Variants in MAP3K15 observed in about 807,000 individuals in gnomAD.
MAP3K15 encodes the protein MAPK/ERK kinase kinase 15.
Under a neutral mutation model 99.5 loss-of-function variants are expected in MAP3K15, and 124 were observed. The observed-to-expected ratio is 1.25, with a 90% CI of 1.08 to 1.45. The LOEUF (loss-of-function observed/expected upper bound fraction) is 1.45. Ranked by LOEUF, MAP3K15 falls within the 40% of genes most tolerant of loss-of-function variation. The pLI, the probability that MAP3K15 is intolerant of heterozygous loss-of-function variation, is 0.00. For synonymous variants in MAP3K15, 494 were observed against 439.6 expected (o/e 1.12, Z -1.55); for missense variants, 1,242 against 1,079.7 (o/e 1.15, Z -2.11).
chrX:19,374,105 C>A, intron 20 of MAP3K15, among the ~76,000 whole-genome samples: 1 of 111,186 alleles, frequency 9.0e-6, no homozygotes, highest in Non-Finnish European at 1.9e-5. Context: ...GGTTGGCACA[C>A]GATGACAAGC....
chrX:19,426,713 A>G (rs2063832952), intron 7 of MAP3K15, among the ~76,000 whole-genome samples: 1 of 104,133 alleles, frequency 9.6e-6, no homozygotes, highest in Non-Finnish European at 1.9e-5. Context: ...GCTACTCGGG[A>G]GGCTGAGGCA....
intron 12 of MAP3K15, among the ~76,000 whole-genome samples, chrX:19,407,933 T>C (rs1223894054): frequency 8.9e-6 from 1 of 112,078 alleles, no homozygotes; most frequent in Non-Finnish European, 1.9e-5. Context: ...TTCTCTTCTA[T>C]CATTGTCCCT....
intron 18 of MAP3K15, among the ~76,000 whole-genome samples, chrX:19,382,910 C>T (rs577971420): frequency 7.1e-5 from 8 of 112,134 alleles, no homozygotes; most frequent in African/African-American, 1.6e-4. Flanking sequence ...GACTCTGCTT[C>T]GCCTGCAGCT....
chrX:19,409,174 G>T (rs766228451), intron 12 of MAP3K15, among the ~76,000 whole-genome samples: 12 of 111,198 alleles, frequency 1.1e-4, no homozygotes, highest in Admixed American at 1.9e-4. Flanking sequence ...ACTATGTCTA[G>T]AAGTAACTGG....
At chrX:19,426,818 CAAAAA>C (rs746106862) in intron 7 of MAP3K15, among the ~76,000 whole-genome samples, 1 of 21,148 alleles carries the variant, frequency 4.7e-5, no homozygotes, top group African/African-American at 2.1e-4. Context: ...AATCTGTCTC[CAAAAA>C]AAAAAAAAAA....
chrX:19,402,822 G>A (rs2063618192), intron 13 of MAP3K15, among the ~76,000 whole-genome samples: 1 of 110,759 alleles, frequency 9.0e-6, no homozygotes, highest in Non-Finnish European at 1.9e-5. Flanking sequence ...ACACCACCAC[G>A]CCCAGCTAAT....
chrX:19,466,757 T>C (rs1417854731), intron 3 of MAP3K15: 1 of 70,466 alleles, frequency 1.4e-5, no homozygotes, highest in Admixed American at 1.5e-4. Flanking sequence ...GAAGGAAAAA[T>C]ACCTTTGAAG....
At chrX:19,430,482 G>A (rs1281441386) in intron 7 of MAP3K15, among the ~76,000 whole-genome samples, 3 of 112,048 alleles carry the variant, frequency 2.7e-5, no homozygotes, top group Non-Finnish European at 5.6e-5. Context: ...ACAGAATCAT[G>A]AAAAATCATA....
intron 14 of MAP3K15, among the ~76,000 whole-genome samples, chrX:19,398,806 A>G (rs948193095): frequency 5.4e-5 from 6 of 111,589 alleles, no homozygotes; most frequent in Non-Finnish European, 1.1e-4. Flanking sequence ...ACAAAAAGTA[A>G]ATATGCTGGG....
At chrX:19,427,867 A>C (rs905774791) in intron 7 of MAP3K15, among the ~76,000 whole-genome samples, 4 of 111,427 alleles carry the variant, frequency 3.6e-5, no homozygotes, top group Non-Finnish European at 7.5e-5. Flanking sequence ...AAATACCCTC[A>C]GATCAGAGGA....
chrX:19,475,441 A>T (rs377093215), intron 3 of MAP3K15, among the ~76,000 whole-genome samples: 110 of 110,845 alleles, frequency 9.9e-4, no homozygotes, highest in African/African-American at 3.4e-3. Flanking sequence ...TTGCTTTAAA[A>T]CATATTCTGG....
chrX:19,433,870 T>G (rs1045022362), intron 6 of MAP3K15, among the ~76,000 whole-genome samples: 9 of 111,760 alleles, frequency 8.1e-5, no homozygotes, highest in Non-Finnish European at 5.6e-5. Context: ...AGTAATGAAC[T>G]GGAGATGACT....
chrX:19,365,062 G>C (rs1255680160), intron 25 of MAP3K15, among the ~76,000 whole-genome samples: 2 of 109,792 alleles, frequency 1.8e-5, no homozygotes, highest in Non-Finnish European at 3.8e-5. Context: ...AAATCAGCCA[G>C]TTGTGGTGGC....
intron 13 of MAP3K15, among the ~76,000 whole-genome samples, chrX:19,406,356 G>A (rs191108549): frequency 8.9e-6 from 1 of 112,299 alleles, no homozygotes; most frequent in Admixed American, 9.5e-5. Flanking sequence ...GATAAACTGT[G>A]GTATAGCCAT....
intron 21 of MAP3K15, chrX:19,373,266 A>C: frequency 3.6e-6 from 1 of 274,247 alleles, no homozygotes. Context: ...AGAGAGGGGA[A>C]GTGTCGAAGG....
chrX:19,407,269 T>G lies in MAP3K15; in HGVS notation c.1763A>C (p.Asp588Ala). The change falls in exon 13 of 29, where the codon GAT (aspartate) becomes GCT (alanine). Residue 588 changes from aspartate to alanine, a missense_variant. Physicochemically the swap from Asp to Ala is moderately radical, Grantham distance 126 (BLOSUM62 -2). Coordinates refer to ENST00000338883, the MANE Select transcript of MAP3K15 (RefSeq NM_001001671.4). ...GACATAAAGAAAACAACACCTTTCA[T>G]CAAACTTTGATAGGCTGTAAAATTT... ...SIKGISLSKF[D>A]ERCCFLYVHD... The G allele has an allele frequency of 8.5e-7, 1 of 1,178,911 alleles. No individual in the cohort carries two copies. The highest frequency in any genetic ancestry group is 2.3e-5 in the Admixed American group (1 of 42,564).
At chrX:19,453,699 C>T (rs113278379) in intron 6 of MAP3K15, among the ~76,000 whole-genome samples, 2 of 111,432 alleles carry the variant, frequency 1.8e-5, no homozygotes, top group African/African-American at 6.5e-5. Context: ...GTTCTCTTCA[C>T]TAGAAAAGCA....
At chrX:19,363,310 G>A (rs779816699) in intron 25 of MAP3K15, among the ~76,000 whole-genome samples, 5 of 112,051 alleles carry the variant, frequency 4.5e-5, no homozygotes, top group Non-Finnish European at 9.4e-5. Context: ...TGTGAATGGG[G>A]AAGCAGGCCC....
chrX:19,426,314 G>A lies in MAP3K15; in HGVS notation c.1196C>T (p.Ser399Phe). The change falls in exon 8 of 29, where the codon TCC becomes TTC. Residue 399 changes from serine (S) to phenylalanine (F), a missense_variant. Transcript: ENST00000338883. ...TGCAAGATTAATTCCCGAATAGAGG[G>A]ATGACTGGAGTTCAAACCCTTTGCG... Reference protein sequence around the residue: ...WYRKGFELQSSLYSGINLAVL... With the variant: ...WYRKGFELQSFLYSGINLAVL... 8.7e-7 allele frequency: 1 copy of A among 1,153,794 alleles called. No individual in the cohort carries two copies. Among genetic ancestry groups the A allele is most frequent in the African/African-American group, 1.8e-5 (1 of 56,557 alleles).
Sources: allele counts gnomAD v4.1 joint callset (sites outside exome capture counted in the v4.1 genomes callset), GRCh38; gene constraint gnomAD v4.1.1; transcripts MANE v1.5; gene names NCBI Gene and HGNC (gene_info 2026-07-23, HGNC 2026-07-21).